Variants in ERC1 observed in about 807,000 individuals in gnomAD.
ERC1 encodes RAB6 interacting protein 2.
ERC1 carries 56 observed loss-of-function variants against 132.0 expected under a neutral mutation model. The observed-to-expected ratio is 0.42, with a 90% CI of 0.34 to 0.53. ERC1 has a LOEUF of 0.53. Among genes scored for constraint, ERC1 ranks in the 20% least tolerant of loss-of-function variants. The probability of loss-of-function intolerance (pLI) is 0.03; values close to 1 mark genes in which losing one functional copy is unlikely to be tolerated. For synonymous variants in ERC1, 478 were observed against 476.1 expected, an observed-to-expected ratio of 1.00 and a Z score of -0.05; for missense variants, 1,202 against 1,349.9, an observed-to-expected ratio of 0.89 and a Z score of 1.72.
intron 2 of ERC1, among the ~76,000 whole-genome samples, chr12:1,048,330 G>C (rs1971404134): frequency 6.6e-6 from 1 of 152,194 alleles, no homozygotes; most frequent in Non-Finnish European, 1.5e-5. Context: ...AAATGTGACT[G>C]TGCAGGTTGA....
At chr12:1,417,089 G>A (rs1009698013) in intron 17 of ERC1, among the ~76,000 whole-genome samples, 3 of 152,090 alleles carry the variant, frequency 2.0e-5, no homozygotes, top group African/African-American at 7.2e-5. Flanking sequence ...TCCTCTATAT[G>A]CTCAGAAATG....
chr12:1,301,148 A>G (rs779188940), intron 15 of ERC1, among the ~76,000 whole-genome samples: 9 of 151,996 alleles, frequency 5.9e-5, no homozygotes, highest in Non-Finnish European at 1.2e-4. Context: ...ATGAGTATGT[A>G]AAGGCATACA....
chr12:1,444,632 C>G lies in ERC1; in HGVS notation c.3095C>G (p.Thr1032Ser). 10 of 1,614,052 alleles carry G rather than the reference C, an allele frequency of 6.2e-6. No individual in the cohort carries two copies. The highest frequency in any genetic ancestry group is 8.5e-6 in the Non-Finnish European group (10 of 1,179,930). ...AAGTTGTACATTGGACACCTGACAA[C>G]CCTCTGCCATGACCGAGACCCCCTG... ...KLKLYIGHLTTLCHDRDPLIL... is the reference protein window; with the variant it reads ...KLKLYIGHLTSLCHDRDPLIL... The change falls in exon 18 of 19, where the codon ACC becomes AGC. Residue 1032 changes from threonine to serine, a missense_variant. Thr to Ser is a moderately conservative substitution (Grantham distance 58). Transcript: ENST00000360905.
intron 15 of ERC1, among the ~76,000 whole-genome samples, chr12:1,336,435 T>G (rs2083319994): frequency 6.6e-6 from 1 of 152,198 alleles, no homozygotes; most frequent in South Asian, 2.1e-4. Flanking sequence ...TCCCAGAGAT[T>G]CTGGTATGTT....
At chr12:1,083,131 G>T in intron 2 of ERC1, 33 bp from the exon 3 acceptor site, 6 of 1,570,178 alleles carry the variant, frequency 3.8e-6, no homozygotes, top group Non-Finnish European at 5.2e-6. Context: ...GAGGAAAGCT[G>T]ATTTGGGGGT....
At position 1,189,936 on chromosome 12, in the gene ERC1, C is replaced by G; in HGVS notation, c.2235C>G (p.Thr745=). ...DRIQHLEREI[T]RYKDESSKAQ... ...TACAGCACTTGGAGAGAGAGATCAC[C>G]AGGTACAAAGATGAATCTAGCAAGG... The change falls in exon 12 of 19, where the codon ACC becomes ACG. Residue 745 remains threonine (T), a synonymous_variant. Transcript: ENST00000360905. The G allele has an allele frequency of 1.9e-6, 3 of 1,613,962 alleles. No individual in the cohort carries two copies. Among genetic ancestry groups the G allele is most frequent in the Non-Finnish European group, 2.5e-6 (3 of 1,179,938 alleles).
At chr12:1,065,573 A>T (rs1939000859) in intron 2 of ERC1, among the ~76,000 whole-genome samples, 1 of 94,860 alleles carries the variant, frequency 1.1e-5, no homozygotes, top group Non-Finnish European at 2.0e-5. Context: ...TTTTTCAGGC[A>T]TTTCAGAGAT....
intron 2 of ERC1, among the ~76,000 whole-genome samples, chr12:1,073,644 G>A (rs1272135495): frequency 2.0e-5 from 3 of 151,690 alleles, no homozygotes; most frequent in South Asian, 2.1e-4. Flanking sequence ...GCGAGACTCT[G>A]TCTCAAAACA....
intron 15 of ERC1, among the ~76,000 whole-genome samples, chr12:1,320,754 T>A (rs1369935054): frequency 6.6e-6 from 1 of 152,180 alleles, no homozygotes; most frequent in Non-Finnish European, 1.5e-5. Flanking sequence ...CAGGCTGGAG[T>A]GCAGTGGCAC....
chr12:1,309,567 T>C (rs2081135008), intron 15 of ERC1, among the ~76,000 whole-genome samples: 1 of 152,162 alleles, frequency 6.6e-6, no homozygotes. Context: ...ATTTTTTTAC[T>C]CTGACCCCAA....
intron 18 of ERC1, among the ~76,000 whole-genome samples, chr12:1,474,317 A>G (rs2093927826): frequency 6.6e-6 from 1 of 152,198 alleles, no homozygotes; most frequent in Non-Finnish European, 1.5e-5. Context: ...CATCTGCAGA[A>G]AGGAATTAAT....
chr12:1,284,209 C>A (rs1403500253), intron 14 of ERC1, among the ~76,000 whole-genome samples: 2 of 151,256 alleles, frequency 1.3e-5, no homozygotes, highest in Non-Finnish European at 2.9e-5. Context: ...TTCTCCAGTT[C>A]CATTCATGTT....
chr12:1,220,722 A>T (rs944313819), intron 12 of ERC1, among the ~76,000 whole-genome samples: 6 of 152,240 alleles, frequency 3.9e-5, no homozygotes, highest in African/African-American at 1.4e-4. Flanking sequence ...AAAGAAAAAT[A>T]TATGAGACAG....
chr12:1,168,791 G>A (rs1952736531), intron 8 of ERC1, among the ~76,000 whole-genome samples: 3 of 151,628 alleles, frequency 2.0e-5, no homozygotes, highest in South Asian at 2.1e-4. Context: ...CGGCTGTGAC[G>A]GGTCATTTTA....
At chr12:1,047,278 A>G (rs187961857) in intron 2 of ERC1, among the ~76,000 whole-genome samples, 2 of 152,310 alleles carry the variant, frequency 1.3e-5, no homozygotes, top group Admixed American at 1.3e-4. Flanking sequence ...ATAAGGCATA[A>G]GCCCCCCGTC....
At chr12:1,330,511 A>C (rs902237596) in intron 15 of ERC1, among the ~76,000 whole-genome samples, 1 of 152,004 alleles carries the variant, frequency 6.6e-6, no homozygotes, top group Middle Eastern at 3.2e-3. Flanking sequence ...CATACACTTA[A>C]AACTCTTAAT....
chr12:1,321,731 G>A (rs920929076), intron 15 of ERC1, among the ~76,000 whole-genome samples: 2 of 152,046 alleles, frequency 1.3e-5, no homozygotes, highest in Admixed American at 6.6e-5. Context: ...TTTGGCTTTC[G>A]TAACCATTTC....
rs372563662 is a variant in ERC1, at chr12:1,011,157, AGTG to A, written c.-156-16589_-156-16587del. 3.2e-4 allele frequency among the ~76,000 whole-genome samples: 48 copies of A among 152,292 alleles called. 1 individual carries two copies. The East Asian group carries it at 7.1e-3, about 23-fold the overall frequency. ...GATGAAGTGTTCACCCTGGAATTAC[AGTG>A]GCTCTCCTTTTGTTTCTGTTTAAGT... On this transcript the variant is annotated intron_variant, in intron 1 of 18. Transcript: ENST00000360905.
intron 1 of ERC1, among the ~76,000 whole-genome samples, chr12:997,748 T>C (rs574070226): frequency 1.3e-5 from 2 of 152,280 alleles, no homozygotes; most frequent in South Asian, 4.1e-4. Context: ...GAACTGGCAC[T>C]GGCAGGAAGG....
Sources: allele counts gnomAD v4.1 joint callset (sites outside exome capture counted in the v4.1 genomes callset), GRCh38; gene constraint gnomAD v4.1.1; transcripts MANE v1.5; gene names NCBI Gene and HGNC (gene_info 2026-07-23, HGNC 2026-07-21).